The following MATCAP2 variants were observed in gnomAD, a reference collection of about 807,000 sequenced individuals.
The protein encoded by MATCAP2 is microtubule associated tyrosine carboxypeptidase 2.
the MATCAP2 span, among the ~76,000 whole-genome samples, chr7:36,336,735 G>A: frequency 2.6e-5 from 4 of 151,926 alleles, no homozygotes; most frequent in African/African-American, 7.3e-5. Context: ...AGAATTTTAA[G>A]AACACACATA....
At chr7:36,361,977 GA>G in the MATCAP2 span, among the ~76,000 whole-genome samples, 2 of 152,170 alleles carry the variant, frequency 1.3e-5, no homozygotes, top group Non-Finnish European at 2.9e-5. Flanking sequence ...TTAGACGTCA[GA>G]ATAGCAGTTA....
the MATCAP2 span, chr7:36,368,166 T>C: frequency 6.6e-6 from 1 of 152,082 alleles, no homozygotes; most frequent in Non-Finnish European, 1.5e-5. Flanking sequence ...TTTGAGGATA[T>C]CAAGGGAAAT....
At chr7:36,385,505 C>T in the MATCAP2 span, among the ~76,000 whole-genome samples, 1 of 152,258 alleles carries the variant, frequency 6.6e-6, no homozygotes, top group East Asian at 1.9e-4. Flanking sequence ...AAAGTTGAGG[C>T]TGAACATAGT....
the MATCAP2 span, among the ~76,000 whole-genome samples, chr7:36,351,941 TAAAAAAAAAAAA>T: frequency 1.7e-5 from 2 of 115,300 alleles, no homozygotes; most frequent in South Asian, 3.1e-4. Flanking sequence ...GGGAGATTGT[TAAAAAAAAAAAA>T]AAAAAAAAAA....
At chr7:36,366,918 G>A in the MATCAP2 span, 6 of 1,445,326 alleles carry the variant, frequency 4.2e-6, no homozygotes, top group South Asian at 4.4e-5. Context: ...GCACTCACCC[G>A]TCACGCGAAT....
At chr7:36,378,484 G>C in the MATCAP2 span, among the ~76,000 whole-genome samples, 11 of 152,206 alleles carry the variant, frequency 7.2e-5, no homozygotes, top group Non-Finnish European at 1.6e-4. Context: ...TCTCAGAGGG[G>C]CACCCAGCTG....
the MATCAP2 span, among the ~76,000 whole-genome samples, chr7:36,382,868 A>G: frequency 1.3e-5 from 2 of 152,222 alleles, no homozygotes; most frequent in Admixed American, 6.5e-5. Context: ...TAAGTACATA[A>G]AATAATTCTT....
chr7:36,383,963 CT>C, the MATCAP2 span: 1 of 1,233,888 alleles, frequency 8.1e-7, no homozygotes, highest in Non-Finnish European at 1.1e-6. Context: ...TATTGTATTA[CT>C]TTGTGAATTA....
chr7:36,364,087 TCTTC>T, the MATCAP2 span, among the ~76,000 whole-genome samples: 1 of 112,198 alleles, frequency 8.9e-6, no homozygotes, highest in Non-Finnish European at 1.9e-5. Context: ...AGAATCTTCT[TCTTC>T]TTTTTTTTTT....
chr7:36,342,353 T>C, the MATCAP2 span, among the ~76,000 whole-genome samples: 1 of 152,038 alleles, frequency 6.6e-6, no homozygotes, highest in Non-Finnish European at 1.5e-5. Context: ...CTAATTTTTG[T>C]ATTTTTAATA....
the MATCAP2 span, among the ~76,000 whole-genome samples, chr7:36,380,831 G>T: frequency 6.6e-6 from 1 of 152,204 alleles, no homozygotes; most frequent in Non-Finnish European, 1.5e-5. Context: ...CCAGGTTCAA[G>T]CGAGTCTCCT....
the MATCAP2 span, among the ~76,000 whole-genome samples, chr7:36,353,481 CTTTTTTTT>C: frequency 7.6e-6 from 1 of 130,832 alleles, no homozygotes; most frequent in Non-Finnish European, 1.6e-5. Flanking sequence ...TGTTTATGCT[CTTTTTTTT>C]TTTTTTTTTG....
chr7:36,388,660 G>C, the MATCAP2 span, among the ~76,000 whole-genome samples: 1 of 152,196 alleles, frequency 6.6e-6, no homozygotes, highest in African/African-American at 2.4e-5. Flanking sequence ...TTACAATTTG[G>C]AGTACTCTAC....
At chr7:36,334,179 T>C in the MATCAP2 span, 2 of 1,553,990 alleles carry the variant, frequency 1.3e-6, no homozygotes, top group South Asian at 2.3e-5. Context: ...GAAGAAAAGT[T>C]ACATGAAGAA....
the MATCAP2 span, chr7:36,336,298 CT>C: frequency 6.6e-7 from 1 of 1,515,328 alleles, no homozygotes; most frequent in Non-Finnish European, 8.8e-7. Flanking sequence ...TATTGATAGA[CT>C]GTAAAAGAAA....
At chr7:36,343,560 A>AAGGGAG in the MATCAP2 span, among the ~76,000 whole-genome samples, 15 of 29,940 alleles carry the variant, frequency 5.0e-4, no homozygotes, top group African/African-American at 2.2e-3. Context: ...GAGGGAAGGG[A>AAGGGAG]AGGGAGAGGG....
chr7:36,374,867 C>G, the MATCAP2 span, among the ~76,000 whole-genome samples: 7 of 152,340 alleles, frequency 4.6e-5, no homozygotes, highest in South Asian at 1.4e-3. Context: ...AGGACATGAA[C>G]TCATCCGTTT....
the MATCAP2 span, chr7:36,331,176 T>C: frequency 1.6e-6 from 1 of 643,310 alleles, no homozygotes. Flanking sequence ...AGTCCTGTAT[T>C]AAAAATATTC....
the MATCAP2 span, among the ~76,000 whole-genome samples, chr7:36,330,726 G>A: frequency 1.1e-4 from 17 of 152,228 alleles, no homozygotes; most frequent in African/African-American, 4.1e-4. Context: ...AGAAAAATAT[G>A]TATACACAAA....
Sources: gnomAD v4.1 joint callset for allele counts (sites outside exome capture counted in the v4.1 genomes callset) on GRCh38, gnomAD v4.1.1 for gene constraint, MANE v1.5 for transcripts, NCBI Gene and HGNC (gene_info 2026-07-23, HGNC 2026-07-21) for gene names.